SCARA3: variants seen among roughly 807,000 people sequenced by gnomAD.
The protein encoded by SCARA3 is scavenger receptor class A member 3.
In SCARA3, 39 loss-of-function variants were observed where a neutral mutation model predicts 47.0. The ratio of observed to expected loss-of-function variants is 0.83; its 90% CI spans 0.64 to 1.08. The LOEUF is 1.08. Ranked by LOEUF, SCARA3 falls within the 50% of genes least tolerant of loss-of-function variation. SCARA3 has a pLI of 0.00. For synonymous variants in SCARA3, 356 were observed against 334.1 expected (o/e 1.07, Z -0.71); for missense variants, 724 against 792.3 (o/e 0.91, Z 1.04).
chr8:27,665,815 GATT>G (rs1802004227), intron 5 of SCARA3, among the ~76,000 whole-genome samples: 1 of 152,202 alleles, frequency 6.6e-6, no homozygotes, highest in Non-Finnish European at 1.5e-5. Flanking sequence ...CTGCATAAGG[GATT>G]ATTATTATGC....
At chr8:27,686,952 CA>C in the SCARA3 span, among the ~76,000 whole-genome samples, 3 of 152,212 alleles carry the variant, frequency 2.0e-5, no homozygotes, top group Non-Finnish European at 4.4e-5. Context: ...GCTCCCCACC[CA>C]CCCCTCGACA....
chr8:27,698,139 G>A, the SCARA3 span, among the ~76,000 whole-genome samples: 1 of 152,208 alleles, frequency 6.6e-6, no homozygotes, highest in African/African-American at 2.4e-5. Context: ...AGAATTCATA[G>A]CCAGTATATC....
At chr8:27,701,173 G>C in the SCARA3 span, 70,871 of 151,752 alleles carry the variant, frequency 0.47, 16,840 homozygotes, top group Middle Eastern at 0.59. Flanking sequence ...TCACTCAAAA[G>C]AGTACAGACT....
chr8:27,695,185 G>A, the SCARA3 span, among the ~76,000 whole-genome samples: 1 of 152,132 alleles, frequency 6.6e-6, no homozygotes, highest in African/African-American at 2.4e-5. Flanking sequence ...TTAGGAGTAA[G>A]GACTACACCC....
the SCARA3 span, among the ~76,000 whole-genome samples, chr8:27,708,244 A>C: frequency 6.6e-6 from 1 of 152,190 alleles, no homozygotes; most frequent in Non-Finnish European, 1.5e-5. Context: ...GATAGGTTAT[A>C]CAATGGATCC....
the SCARA3 span, among the ~76,000 whole-genome samples, chr8:27,688,761 C>G: frequency 1.3e-5 from 2 of 152,124 alleles, no homozygotes; most frequent in Non-Finnish European, 2.9e-5. Flanking sequence ...CAGCATTTTT[C>G]AGACTTGCTT....
At chr8:27,678,026 T>G (rs1324495337), downstream of SCARA3, among the ~76,000 whole-genome samples, 3 of 152,098 alleles carry the variant, frequency 2.0e-5, no homozygotes, top group Non-Finnish European at 4.4e-5. Context: ...CATATGAAAT[T>G]TGTGTGATAC....
the SCARA3 span, among the ~76,000 whole-genome samples, chr8:27,684,036 C>T: frequency 6.6e-6 from 1 of 152,122 alleles, no homozygotes; most frequent in African/African-American, 2.4e-5. Flanking sequence ...GTCCTTGCCT[C>T]ACGTTGTGCA....
intron 5 of SCARA3, among the ~76,000 whole-genome samples, chr8:27,660,895 T>G (rs1801900886): frequency 6.6e-6 from 1 of 151,942 alleles, no homozygotes; most frequent in African/African-American, 2.4e-5. Flanking sequence ...ATGATAGAGA[T>G]AGATGGATAG....
Position 27,672,345 on chromosome 8 carries a change from C to T in SCARA3, c.*994C>T. 2.0e-6 allele frequency: 2 copies of T among 985,500 alleles called. No individual in the cohort carries two copies. The highest frequency in any genetic ancestry group is 2.4e-6 in the Non-Finnish European group (2 of 829,976). 61.0% of individuals were successfully genotyped at this position (985,500 alleles called of 1,614,324 possible). On this transcript the variant is annotated 3_prime_UTR_variant, in exon 6 of 6. Transcript: ENST00000301904. The stretch of plus-strand genomic sequence containing the variant: ...ACTCTGCAGGCCCTGGAACATTGGG[C>T]CTGAGTGGAGATGGGAGACAGAGGC...
the SCARA3 span, among the ~76,000 whole-genome samples, chr8:27,710,915 ATTTTTT>A: frequency 3.1e-5 from 3 of 96,784 alleles, no homozygotes; most frequent in African/African-American, 1.3e-4. Flanking sequence ...CTCATAGGTG[ATTTTTT>A]TTTTTTTTTT....
intron 1 of SCARA3, among the ~76,000 whole-genome samples, chr8:27,639,175 A>G (rs898239040): frequency 6.6e-6 from 1 of 152,128 alleles, no homozygotes; most frequent in Non-Finnish European, 1.5e-5. Context: ...CCCAGCCCAC[A>G]CTTTTCAGTC....
the SCARA3 span, among the ~76,000 whole-genome samples, chr8:27,706,353 G>T: frequency 1.1e-4 from 17 of 151,984 alleles, no homozygotes; most frequent in African/African-American, 4.1e-4. Context: ...GGTTTTCGCC[G>T]TGTTGGCCAG....
chr8:27,633,717 C>G (rs920936672), upstream of SCARA3, among the ~76,000 whole-genome samples: 1 of 150,338 alleles, frequency 6.7e-6, no homozygotes, highest in Admixed American at 6.6e-5. Flanking sequence ...GCGGGGCCCC[C>G]GCGGCGGCAC....
chr8:27,728,898 A>C, the SCARA3 span, among the ~76,000 whole-genome samples: 1 of 152,088 alleles, frequency 6.6e-6, no homozygotes, highest in African/African-American at 2.4e-5. Context: ...CTGTTTAGTT[A>C]AGTGGTTAGT....
chr8:27,637,883 C>T (rs908890231), intron 1 of SCARA3, among the ~76,000 whole-genome samples: 1 of 151,768 alleles, frequency 6.6e-6, no homozygotes, highest in Non-Finnish European at 1.5e-5. Flanking sequence ...GGCTGGGGGC[C>T]CCAGAAAGCC....
the SCARA3 span, among the ~76,000 whole-genome samples, chr8:27,696,310 A>G: frequency 6.6e-6 from 1 of 152,340 alleles, no homozygotes; most frequent in East Asian, 1.9e-4. Context: ...ATGCCTGGCC[A>G]AGAGAAAATA....
At chr8:27,697,710 T>C in the SCARA3 span, among the ~76,000 whole-genome samples, 1 of 152,212 alleles carries the variant, frequency 6.6e-6, no homozygotes, top group African/African-American at 2.4e-5. Flanking sequence ...GGTTTCCTCA[T>C]ACTGTTCTCC....
the SCARA3 span, among the ~76,000 whole-genome samples, chr8:27,690,859 T>C: frequency 6.2e-3 from 940 of 152,120 alleles, 13 homozygotes; most frequent in African/African-American, 0.022. Context: ...ATTTTTTAAT[T>C]TTTTTTGGAG....
Sources: gnomAD v4.1 joint callset for allele counts (sites outside exome capture counted in the v4.1 genomes callset) on GRCh38, gnomAD v4.1.1 for gene constraint, MANE v1.5 for transcripts, NCBI Gene and HGNC (gene_info 2026-07-23, HGNC 2026-07-21) for gene names.